The following NTRK2 variants were observed in gnomAD, a reference collection of about 807,000 sequenced individuals.
NTRK2 encodes neurotrophic receptor tyrosine kinase 2.
Under a neutral mutation model 94.5 loss-of-function variants are expected in NTRK2, and 13 were observed. That is an observed-to-expected ratio of 0.14 (90% CI 0.09 to 0.22). The LOEUF (loss-of-function observed/expected upper bound fraction) is 0.22, where lower values mean the gene tolerates loss of function less well. Among genes scored for constraint, NTRK2 ranks in the 10% least tolerant of loss-of-function variants. NTRK2 has a pLI of 1.00. For missense variants in NTRK2, 639 were observed against 1,071.2 expected (o/e 0.60, Z 5.63); for synonymous variants, 372 against 407.4 (o/e 0.91, Z 1.05).
chr9:84,930,728 T>C (rs1251712693), intron 14 of NTRK2, among the ~76,000 whole-genome samples: 4 of 152,016 alleles, frequency 2.6e-5, no homozygotes, highest in Non-Finnish European at 5.9e-5. Flanking sequence ...GCGATCCACA[T>C]TGGGAGGATA....
intron 12 of NTRK2, among the ~76,000 whole-genome samples, chr9:84,760,427 C>A (rs952224033): frequency 6.6e-6 from 1 of 152,002 alleles, no homozygotes; most frequent in African/African-American, 2.4e-5. Flanking sequence ...AGAAAAATGT[C>A]GCAAATGTAA....
intron 17 of NTRK2, among the ~76,000 whole-genome samples, chr9:84,998,239 A>T (rs571753279): frequency 1.3e-5 from 2 of 152,286 alleles, no homozygotes; most frequent in African/African-American, 4.8e-5. Context: ...GATACCAAAG[A>T]GTGGCTAGTG....
intron 2 of NTRK2, among the ~76,000 whole-genome samples, chr9:84,681,301 A>T (rs192990807): frequency 5.6e-4 from 85 of 152,212 alleles, no homozygotes; most frequent in African/African-American, 1.2e-4. Context: ...GAATGGCACC[A>T]TTATCCACTC....
Position 85,020,367 on chromosome 9 carries a change from G to A in NTRK2, c.2331+3G>A, listed in dbSNP as rs984928443. On this transcript the variant is annotated splice_donor_region_variant and intron_variant, in intron 18 of 18. Coordinates refer to ENST00000277120, the MANE Select transcript of NTRK2 (RefSeq NM_006180.6). ...GGTACCAGCTGTCAAACAATGAGGT[G>A]TGCAATGGGTCTGGCCAAGACCCTC... The A allele has an allele frequency of 1.9e-6, 3 of 1,614,154 alleles. No homozygotes were observed. The highest frequency in any genetic ancestry group is 2.2e-5 in the East Asian group (1 of 44,878).
At chr9:84,797,699 A>T (rs1436977569) in intron 12 of NTRK2, among the ~76,000 whole-genome samples, 1 of 81,962 alleles carries the variant, frequency 1.2e-5, no homozygotes, top group Non-Finnish European at 2.2e-5. Context: ...TATATATATT[A>T]TATATACTAT....
At chr9:84,768,740 G>A (rs2066259267) in intron 12 of NTRK2, among the ~76,000 whole-genome samples, 1 of 152,092 alleles carries the variant, frequency 6.6e-6, no homozygotes, top group South Asian at 2.1e-4. Flanking sequence ...AGCTCAGTAT[G>A]GAACTGGGCT....
Position 85,020,274 on chromosome 9 carries a change from G to A in NTRK2, c.2241G>A (p.Thr747=), listed in dbSNP as rs202195780. The change falls in exon 18 of 19, where the codon ACG becomes ACA. Residue 747 remains threonine (T), a synonymous_variant. Transcript: ENST00000277120. ...PPESIMYRKF[T]TESDVWSLGV... is the part of the protein sequence containing the mutation. The stretch of plus-strand genomic sequence containing the variant: ...AGAGCATCATGTACAGGAAATTCAC[G>A]ACGGAAAGCGACGTCTGGAGCCTGG... The A allele has an allele frequency of 5.0e-6, 8 of 1,614,056 alleles. No individual in the cohort carries two copies. The highest frequency in any genetic ancestry group is 3.3e-4 in the Middle Eastern group (2 of 6,062).
chr9:84,775,554 T>G (rs917895524), intron 12 of NTRK2, among the ~76,000 whole-genome samples: 1 of 152,212 alleles, frequency 6.6e-6, no homozygotes, highest in Non-Finnish European at 1.5e-5. Context: ...TTGCTCTTGG[T>G]TCTTTGAATA....
chr9:84,759,247 TAA>T (rs1435151694), intron 12 of NTRK2, among the ~76,000 whole-genome samples: 1 of 152,270 alleles, frequency 6.6e-6, no homozygotes, highest in African/African-American at 2.4e-5. Flanking sequence ...ATCTACTTTT[TAA>T]AGTCTCTTAC....
chr9:84,679,260 G>A (rs2059249861), intron 2 of NTRK2, among the ~76,000 whole-genome samples: 1 of 152,168 alleles, frequency 6.6e-6, no homozygotes, highest in African/African-American at 2.4e-5. Context: ...CAACTCTTCA[G>A]CCTCTTTCTG....
At chr9:84,700,924 A>G (rs2060683451) in intron 2 of NTRK2, among the ~76,000 whole-genome samples, 2 of 152,132 alleles carry the variant, frequency 1.3e-5, no homozygotes, top group African/African-American at 2.4e-5. Context: ...CCATCCGTCC[A>G]TCCATCCATC....
chr9:84,931,850 G>C (rs2078047725), intron 14 of NTRK2, among the ~76,000 whole-genome samples: 1 of 151,894 alleles, frequency 6.6e-6, no homozygotes, highest in Non-Finnish European at 1.5e-5. Context: ...GATTTAAATA[G>C]GGCAGCTAAT....
chr9:85,007,932 C>T (rs773160431), intron 17 of NTRK2, among the ~76,000 whole-genome samples: 6 of 152,158 alleles, frequency 3.9e-5, no homozygotes, highest in Non-Finnish European at 8.8e-5. Flanking sequence ...ATAAGCTCAG[C>T]CATTGCAGCC....
rs142420256 is a variant in NTRK2, at chr9:84,770,725, G to A, written c.1396+18640G>A. On this transcript the variant is annotated intron_variant, in intron 12 of 18. Transcript: ENST00000277120. ...GTTACCATTTACTGAGAGGGCCGTT[G>A]TGGGCCAGGTCCTTGACATATTTTT... 3.4e-3 allele frequency among the ~76,000 whole-genome samples: 513 copies of A among 152,302 alleles called. 7 individuals are homozygous for A. Among genetic ancestry groups the A allele is most frequent in the African/African-American group, 0.011 (468 of 41,570 alleles).
At chr9:84,796,125 G>GT (rs1171567195) in intron 12 of NTRK2, among the ~76,000 whole-genome samples, 2 of 152,056 alleles carry the variant, frequency 1.3e-5, no homozygotes, top group Non-Finnish European at 1.5e-5. Flanking sequence ...AAACAGATAG[G>GT]TTTTTTTCGC....
intron 15 of NTRK2, among the ~76,000 whole-genome samples, chr9:84,943,987 G>T (rs1257313352): frequency 6.6e-6 from 1 of 151,962 alleles, no homozygotes; most frequent in African/African-American, 2.4e-5. Context: ...AAAATGGATG[G>T]GCATGTTGGA....
intron 13 of NTRK2, among the ~76,000 whole-genome samples, chr9:84,865,590 G>A (rs1455016440): frequency 1.3e-5 from 2 of 152,204 alleles, no homozygotes; most frequent in Non-Finnish European, 2.9e-5. Context: ...AAGTGTGAGG[G>A]AAAAGGTAAA....
intron 15 of NTRK2, among the ~76,000 whole-genome samples, chr9:84,942,484 A>C (rs1259583883): frequency 6.6e-6 from 1 of 152,200 alleles, no homozygotes; most frequent in African/African-American, 2.4e-5. Context: ...GTTTTCCAAC[A>C]TTCCCAAGAA....
In NTRK2 at chr9:85,026,413, T is replaced by C. The variant is rs950910699; in HGVS notation, c.*4976T>C. The C allele has an allele frequency of 4.3e-6, 1 of 232,120 alleles. No homozygotes were observed. The highest frequency in any genetic ancestry group is 8.5e-6 in the Non-Finnish European group (1 of 117,366). 14.4% of individuals were successfully genotyped at this position (232,120 alleles called of 1,614,324 possible). ...ATCATAAAAGCTGCTAGTAGCCATG[T>C]GTTTGAACAGGAAAAATATTACAGA... is the stretch of plus-strand genomic sequence containing the variant. On this transcript the variant is annotated 3_prime_UTR_variant, in exon 19 of 19. Coordinates refer to ENST00000277120, the MANE Select transcript of NTRK2 (RefSeq NM_006180.6).
Sources: gnomAD v4.1 joint callset for allele counts (sites outside exome capture counted in the v4.1 genomes callset) on GRCh38, gnomAD v4.1.1 for gene constraint, MANE v1.5 for transcripts, NCBI Gene and HGNC (gene_info 2026-07-23, HGNC 2026-07-21) for gene names.